Variants in SEPTIN7 observed in about 807,000 individuals in gnomAD.
SEPTIN7 encodes septin-7.
Under a neutral mutation model 63.3 loss-of-function variants are expected in SEPTIN7, and 10 were observed. That is an observed-to-expected ratio of 0.16 (90% CI 0.10 to 0.27). The LOEUF is 0.27. Among genes scored for constraint, SEPTIN7 ranks in the 10% least tolerant of loss-of-function variants. The pLI, the probability that SEPTIN7 is intolerant of heterozygous loss-of-function variation, is 1.00. For missense variants in SEPTIN7, 310 were observed against 521.0 expected (o/e 0.59, Z 3.94); for synonymous variants, 131 against 165.3 (o/e 0.79, Z 1.59).
chr7:35,843,206 G>A (rs1393848245), intron 3 of SEPTIN7, among the ~76,000 whole-genome samples: 3 of 152,176 alleles, frequency 2.0e-5, no homozygotes, highest in African/African-American at 7.2e-5. Flanking sequence ...ATTGCAGGGG[G>A]ATTAGTGTAA....
intron 12 of SEPTIN7, chr7:35,898,765 A>G (rs1291388735): frequency 2.6e-5 from 4 of 156,172 alleles, no homozygotes; most frequent in East Asian, 3.7e-4. Flanking sequence ...GGATAATAAT[A>G]ATTGACCATA....
At chr7:35,909,511 A>G (rs893894749), downstream of SEPTIN7, among the ~76,000 whole-genome samples, 1 of 152,248 alleles carries the variant, frequency 6.6e-6, no homozygotes, top group Non-Finnish European at 1.5e-5. Flanking sequence ...TGATGAACTC[A>G]TCCCACCAAA....
At chr7:35,833,382 T>C (rs1207538807) in intron 3 of SEPTIN7, among the ~76,000 whole-genome samples, 1 of 152,024 alleles carries the variant, frequency 6.6e-6, no homozygotes, top group Non-Finnish European at 1.5e-5. Flanking sequence ...GAGTAAAATA[T>C]GACTCTCCTG....
Position 35,829,128 on chromosome 7 carries a change from C to CTTTTTTTTTTTTTTTTTTTTTTTT in SEPTIN7, c.62-2363_62-2340dup, listed in dbSNP as rs71553032. On this transcript the variant is annotated intron_variant, in intron 1 of 13. Coordinates refer to ENST00000350320, the MANE Select transcript of SEPTIN7 (RefSeq NM_001788.6). Reference sequence around the variant, plus strand: ...CACTTCATTATAGTTCATGGACCTTCTTTTTTTTTTTTTTTTTTTTTTTTG... The same window carrying CTTTTTTTTTTTTTTTTTTTTTTTT: ...CACTTCATTATAGTTCATGGACCTTCTTTTTTTTTTTTTTTTTTTTTTTTTTTTTTTTTTTTTTTTTTTTTTTTG... 1.3e-4 allele frequency among the ~76,000 whole-genome samples: 8 copies of CTTTTTTTTTTTTTTTTTTTTTTTT among 61,066 alleles called. 2 individuals carry two copies. The highest frequency in any genetic ancestry group is 2.3e-4 in the Admixed American group (1 of 4,370). 40.1% of individuals were successfully genotyped at this position (61,066 alleles called of 152,430 possible). A position where few individuals can be genotyped will look rare whatever the true frequency, so the allele number is the denominator to read the frequency against.
At chr7:35,903,314 A>G (rs1788431508) in intron 13 of SEPTIN7, 99 bp downstream of exon 13, 3 of 1,414,506 alleles carry the variant, frequency 2.1e-6, no homozygotes, top group Non-Finnish European at 2.8e-6. Context: ...TTAAAAAGTC[A>G]TCACCCATTA....
At chr7:35,875,794 CA>C (rs1271929139) in intron 6 of SEPTIN7, among the ~76,000 whole-genome samples, 1 of 151,804 alleles carries the variant, frequency 6.6e-6, no homozygotes, top group Non-Finnish European at 1.5e-5. Context: ...TACATACATA[CA>C]AAAAAAATTT....
intron 3 of SEPTIN7, among the ~76,000 whole-genome samples, chr7:35,849,286 C>T (rs78927260): frequency 0.037 from 5,622 of 152,134 alleles, 165 homozygotes; most frequent in Non-Finnish European, 0.052. Context: ...TCGTGGAAGA[C>T]AATTTTTCTG....
At chr7:35,818,308 C>A (rs935275134) in intron 1 of SEPTIN7, among the ~76,000 whole-genome samples, 20 of 152,012 alleles carry the variant, frequency 1.3e-4, no homozygotes, top group African/African-American at 4.3e-4. Context: ...CCAACATATT[C>A]ATTCTGGGAT....
intron 1 of SEPTIN7, among the ~76,000 whole-genome samples, chr7:35,825,245 A>T (rs1390432456): frequency 6.6e-6 from 1 of 152,132 alleles, no homozygotes; most frequent in African/African-American, 2.4e-5. Context: ...AGCTTTCAAG[A>T]TGAAGTCTAA....
Position 35,873,656 on chromosome 7 carries a change from C to T in SEPTIN7, c.393C>T (p.Ile131=), listed in dbSNP as rs765111999. 14 of 1,609,262 alleles carry T rather than the reference C, an allele frequency of 8.7e-6. No homozygotes were observed. The highest frequency in any genetic ancestry group is 6.6e-5 in the South Asian group (6 of 90,590). ...VDNSNCWQPV[I]DYIDSKFEDY... The stretch of plus-strand genomic sequence containing the variant: ...CGTTCTATAGCTGGCAGCCTGTTAT[C>T]GACTACATTGATAGTAAATTTGAGG... The change falls in exon 6 of 14, where the codon ATC becomes ATT. Residue 131 remains isoleucine (I), a synonymous_variant. Transcript: ENST00000350320.
At chr7:35,897,275 T>A (rs565046727) in intron 11 of SEPTIN7, among the ~76,000 whole-genome samples, 36 of 152,316 alleles carry the variant, frequency 2.4e-4, no homozygotes, top group Non-Finnish European at 3.1e-4. Flanking sequence ...GAAGGACCTA[T>A]CTCTTTAGTT....
the SEPTIN7 span, among the ~76,000 whole-genome samples, chr7:35,913,391 TTCTTTCTTTCTTTC>T: frequency 6.2e-5 from 7 of 112,724 alleles, no homozygotes; most frequent in African/African-American, 1.7e-4. Context: ...CTTTTTATCT[TTCTTTCTTTCTTTC>T]TCTTTCTTTC....
At chr7:35,837,920 C>T (rs1306134468) in intron 3 of SEPTIN7, among the ~76,000 whole-genome samples, 1 of 151,964 alleles carries the variant, frequency 6.6e-6, no homozygotes, top group African/African-American at 2.4e-5. Context: ...GATAGGGTTT[C>T]ACCATGTTGG....
chr7:35,875,758 G>A (rs1562567922), intron 6 of SEPTIN7, among the ~76,000 whole-genome samples: 1 of 151,880 alleles, frequency 6.6e-6, no homozygotes, highest in Non-Finnish European at 1.5e-5. Flanking sequence ...TATACAGAAG[G>A]ATTTTTTCTC....
chr7:35,915,124 T>TACATGC, the SEPTIN7 span, among the ~76,000 whole-genome samples: 3 of 151,964 alleles, frequency 2.0e-5, no homozygotes, highest in African/African-American at 7.3e-5. Flanking sequence ...TATACATGTG[T>TACATGC]ATATATACAT....
In SEPTIN7 at chr7:35,801,285, C is replaced by G. The variant is rs764565925; in HGVS notation, c.61+15C>G. On this transcript the variant is annotated intron_variant, in intron 1 of 13. Coordinates refer to ENST00000350320, the MANE Select transcript of SEPTIN7 (RefSeq NM_001788.6). The stretch of plus-strand genomic sequence containing the variant: ...CAGCACCATGGGTGAGTCTCAGCTT[C>G]GGGTGCCGCGACTTGGGGTCAGCGG... 2 of 1,371,936 alleles carry G rather than the reference C, an allele frequency of 1.5e-6. No homozygotes were observed. Among genetic ancestry groups the G allele is most frequent in the African/African-American group, 3.4e-5 (1 of 28,988 alleles). 85.0% of individuals were successfully genotyped at this position (1,371,936 alleles called of 1,614,324 possible). A position where few individuals can be genotyped will look rare whatever the true frequency, so the allele number is the denominator to read the frequency against.
At chr7:35,831,369 C>T in intron 1 of SEPTIN7, 123 bp from the exon 2 acceptor site, 2 of 265,426 alleles carry the variant, frequency 7.5e-6, no homozygotes, top group South Asian at 3.5e-5. Context: ...AATGGATTTG[C>T]CTCTCCTGTT....
In SEPTIN7 at chr7:35,905,342, G is replaced by A. The variant is rs1788559982; in HGVS notation, c.*1049G>A. ...AGGTCTTAAATATCCTACAGTCGATGTACAAGAGTAGAGTATGTTTGGGAA... is the reference window on the plus strand; with the variant it reads ...AGGTCTTAAATATCCTACAGTCGATATACAAGAGTAGAGTATGTTTGGGAA... On this transcript the variant is annotated 3_prime_UTR_variant, in exon 14 of 14. Transcript: ENST00000350320. 6.6e-6 allele frequency: 1 copy of A among 152,560 alleles called. No homozygotes were observed. The highest frequency in any genetic ancestry group is 6.5e-5 in the Admixed American group (1 of 15,284). 9.5% of individuals were successfully genotyped at this position (152,560 alleles called of 1,614,324 possible). A position where few individuals can be genotyped will look rare whatever the true frequency, so the allele number is the denominator to read the frequency against.
intron 1 of SEPTIN7, among the ~76,000 whole-genome samples, chr7:35,811,479 G>A (rs1788702236): frequency 6.6e-6 from 1 of 152,118 alleles, no homozygotes; most frequent in Admixed American, 6.5e-5. Context: ...GTTGTAATTA[G>A]GGGTGTATTA....
Sources: gnomAD v4.1 joint callset for allele counts (sites outside exome capture counted in the v4.1 genomes callset) on GRCh38, gnomAD v4.1.1 for gene constraint, MANE v1.5 for transcripts, NCBI Gene and HGNC (gene_info 2026-07-23, HGNC 2026-07-21) for gene names.